The following EYA1 variants were observed in gnomAD, a reference collection of about 807,000 sequenced individuals.
EYA1 encodes protein phosphatase EYA1.
In EYA1, 16 loss-of-function variants were observed where a neutral mutation model predicts 82.0. The observed-to-expected ratio is 0.20, with a 90% CI of 0.13 to 0.30. The LOEUF (loss-of-function observed/expected upper bound fraction) is 0.30, where lower values mean the gene tolerates loss of function less well. Ranked by LOEUF, EYA1 falls within the 10% of genes least tolerant of loss-of-function variation. The pLI, the probability that EYA1 is intolerant of heterozygous loss-of-function variation, is 1.00. For synonymous variants in EYA1, 261 were observed against 264.4 expected (o/e 0.99, Z 0.12); for missense variants, 633 against 730.7 (o/e 0.87, Z 1.54).
At chr8:71,485,011 C>T (rs1810454232) in intron 2 of EYA1, among the ~76,000 whole-genome samples, 1 of 152,222 alleles carries the variant, frequency 6.6e-6, no homozygotes, top group African/African-American at 2.4e-5. Context: ...CCTAAACAGC[C>T]TCATGGTTAT....
At chr8:71,324,696 G>C (rs1400455040) in intron 4 of EYA1, among the ~76,000 whole-genome samples, 1 of 152,138 alleles carries the variant, frequency 6.6e-6, no homozygotes, top group African/African-American at 2.4e-5. Flanking sequence ...ATTGAACCCA[G>C]GTCTGCCTAA....
At chr8:71,472,788 GATATATATATATATAT>G (rs71264559) in intron 2 of EYA1, among the ~76,000 whole-genome samples, 1 of 126,840 alleles carries the variant, frequency 7.9e-6, no homozygotes, top group African/African-American at 2.9e-5. Flanking sequence ...TAGCTTTGAA[GATATATATATATATAT>G]ATATATATAT....
chr8:71,400,560 G>C (rs1829900813), intron 2 of EYA1, among the ~76,000 whole-genome samples: 1 of 152,118 alleles, frequency 6.6e-6, no homozygotes, highest in Non-Finnish European at 1.5e-5. Flanking sequence ...GATCATTTAA[G>C]AAATGCAAAT....
chr8:71,223,918 G>C (rs776405152), intron 12 of EYA1, among the ~76,000 whole-genome samples: 28 of 152,112 alleles, frequency 1.8e-4, no homozygotes, highest in Middle Eastern at 3.2e-3. Context: ...CCTTTCACTT[G>C]TACCATAATT....
chr8:71,258,761 CATG>C (rs1449742799), intron 11 of EYA1, among the ~76,000 whole-genome samples: 2 of 152,206 alleles, frequency 1.3e-5, no homozygotes, highest in Non-Finnish European at 2.9e-5. Context: ...AGTGTTTGTA[CATG>C]ATATTTGATC....
intron 2 of EYA1, among the ~76,000 whole-genome samples, chr8:71,510,563 A>C (rs4076013): frequency 0.14 from 20,777 of 152,172 alleles, 1,735 homozygotes; most frequent in Non-Finnish European, 0.19. Flanking sequence ...GTGCCGAGCG[A>C]AGGAGAAAGC....
intron 7 of EYA1, among the ~76,000 whole-genome samples, chr8:71,303,378 T>C (rs1325958007): frequency 1.4e-5 from 2 of 142,220 alleles, no homozygotes; most frequent in African/African-American, 5.0e-5. Flanking sequence ...CAAGTACTAA[T>C]TGACCTGTAA....
chr8:71,463,575 TTCTCTCTCTCTCTCTCTCTCTCTC>T (rs776367934), intron 2 of EYA1, among the ~76,000 whole-genome samples: 29 of 41,188 alleles, frequency 7.0e-4, no homozygotes, highest in African/African-American at 1.4e-3. Context: ...AATACATGCT[TTCTCTCTCTCTCTCTCTCTCTCTC>T]TCTCTCTCTC....
At chr8:71,531,853 G>A (rs1814305830) in intron 2 of EYA1, among the ~76,000 whole-genome samples, 1 of 152,164 alleles carries the variant, frequency 6.6e-6, no homozygotes, top group Non-Finnish European at 1.5e-5. Context: ...GTGAAGAGAA[G>A]AGTGGGTAGA....
At chr8:71,393,291 TTTATTATTA>T (rs562269826) in intron 2 of EYA1, among the ~76,000 whole-genome samples, 3 of 151,248 alleles carry the variant, frequency 2.0e-5, no homozygotes, top group East Asian at 3.9e-4. Flanking sequence ...GTAATTTTCT[TTTATTATTA>T]TTATTATTAT....
chr8:71,547,644 G>GC (rs1363214159), intron 1 of EYA1: 1 of 151,830 alleles, frequency 6.6e-6, no homozygotes, highest in Non-Finnish European at 1.5e-5. Context: ...CCGGGGTGGG[G>GC]CCCAGGGGCA....
intron 11 of EYA1, among the ~76,000 whole-genome samples, chr8:71,259,868 T>C (rs933681509): frequency 3.2e-4 from 48 of 152,190 alleles, no homozygotes; most frequent in South Asian, 6.2e-4. Flanking sequence ...TATCTCTCCT[T>C]TTTATGTAAC....
intron 1 of EYA1, among the ~76,000 whole-genome samples, chr8:71,542,487 A>C (rs565749880): frequency 6.6e-6 from 1 of 152,284 alleles, no homozygotes; most frequent in Admixed American, 6.5e-5. Context: ...TGTTGATTTC[A>C]TGTCTTTGCT....
chr8:71,312,942 A>G (rs563217741), intron 7 of EYA1, among the ~76,000 whole-genome samples: 1 of 152,328 alleles, frequency 6.6e-6, no homozygotes, highest in East Asian at 1.9e-4. Context: ...GAACTAAACA[A>G]TTTGATGCTT....
intron 7 of EYA1, among the ~76,000 whole-genome samples, chr8:71,306,480 T>C (rs1820751981): frequency 6.6e-6 from 1 of 151,920 alleles, no homozygotes; most frequent in Admixed American, 6.6e-5. Context: ...CCCTTACAAA[T>C]GCAAGGATAC....
At chr8:71,460,494 C>A (rs1808282003) in intron 2 of EYA1, among the ~76,000 whole-genome samples, 1 of 152,094 alleles carries the variant, frequency 6.6e-6, no homozygotes, top group African/African-American at 2.4e-5. Context: ...AGTTAGAGCC[C>A]ATCAGGCTTA....
At chr8:71,313,477 T>C (rs1821577172) in intron 7 of EYA1, among the ~76,000 whole-genome samples, 1 of 152,164 alleles carries the variant, frequency 6.6e-6, no homozygotes, top group Non-Finnish European at 1.5e-5. Flanking sequence ...ATAATGATAA[T>C]AATGAAAATA....
chr8:71,376,229 G>A (rs533225495), intron 2 of EYA1, among the ~76,000 whole-genome samples: 1 of 152,188 alleles, frequency 6.6e-6, no homozygotes, highest in South Asian at 2.1e-4. Context: ...CTACACAAAA[G>A]GAACAGCAAG....
intron 2 of EYA1, chr8:71,530,865 G>A (rs1034152988): frequency 6.6e-6 from 1 of 152,112 alleles, no homozygotes; most frequent in Non-Finnish European, 1.5e-5. Flanking sequence ...AGACACAAGA[G>A]GTACAGTTAT....
Sources: allele counts gnomAD v4.1 joint callset (sites outside exome capture counted in the v4.1 genomes callset), GRCh38; gene constraint gnomAD v4.1.1; transcripts MANE v1.5; gene names NCBI Gene and HGNC (gene_info 2026-07-23, HGNC 2026-07-21).